The following DNER variants were observed in gnomAD, a reference collection of about 807,000 sequenced individuals.
DNER encodes delta/notch like EGF repeat containing.
A neutral mutation model predicts 78.2 loss-of-function variants in DNER; 33 were observed. The observed-to-expected ratio is 0.42, with a 90% CI of 0.32 to 0.56. The LOEUF (loss-of-function observed/expected upper bound fraction) is 0.56, where lower values mean the gene tolerates loss of function less well. Among genes scored for constraint, DNER ranks in the 20% least tolerant of loss-of-function variants. The pLI, the probability that DNER is intolerant of heterozygous loss-of-function variation, is 0.11. For synonymous variants in DNER, 417 were observed against 384.8 expected (o/e 1.08, Z -0.98); for missense variants, 918 against 975.3 (o/e 0.94, Z 0.78).
chr2:229,538,001 C>A (rs1410339448), intron 5 of DNER, among the ~76,000 whole-genome samples: 23 of 152,138 alleles, frequency 1.5e-4, no homozygotes, highest in Non-Finnish European at 4.4e-5. Flanking sequence ...TACATTAGTA[C>A]CAAGAATTAT....
At chr2:229,596,682 G>A (rs1322947809) in intron 1 of DNER, among the ~76,000 whole-genome samples, 1 of 152,228 alleles carries the variant, frequency 6.6e-6, no homozygotes, top group East Asian at 1.9e-4. Context: ...GGGATAAAGA[G>A]CCAGAAAGAA....
intron 7 of DNER, among the ~76,000 whole-genome samples, chr2:229,471,984 C>T (rs1427614049): frequency 6.6e-6 from 1 of 152,186 alleles, no homozygotes; most frequent in African/African-American, 2.4e-5. Context: ...AAATCTCCAT[C>T]CTTGGCTATG....
intron 6 of DNER, 61 bp from the exon 7 acceptor site, chr2:229,477,314 T>C: frequency 7.8e-7 from 1 of 1,286,418 alleles, no homozygotes; most frequent in Non-Finnish European, 1.1e-6. Context: ...CATGAGCCAC[T>C]CTAGGAATTG....
intron 7 of DNER, among the ~76,000 whole-genome samples, chr2:229,448,015 A>G (rs1694375214): frequency 6.6e-6 from 1 of 152,220 alleles, no homozygotes; most frequent in Admixed American, 6.5e-5. Context: ...AACCATATCA[A>G]ATAGTAAACA....
At chr2:229,684,146 G>GT (rs1491220761) in intron 1 of DNER, among the ~76,000 whole-genome samples, 2 of 85,282 alleles carry the variant, frequency 2.3e-5, no homozygotes, top group African/African-American at 1.0e-4. Flanking sequence ...CTGTGTATGT[G>GT]AGAGAGAGAG....
rs556020145 is a variant in DNER, at chr2:229,671,145, C to T, written c.276+43003G>A. ...CAAGATAGGACAACTTCAGCGGTTC[C>T]TGTATCTGGCACCAACCTGCTTGCT... On this transcript the variant is annotated intron_variant, in intron 1 of 12. Coordinates refer to ENST00000341772, the MANE Select transcript of DNER (RefSeq NM_139072.4). 5.3e-5 allele frequency among the ~76,000 whole-genome samples: 8 copies of T among 152,272 alleles called. 1 individual carries two copies. In the South Asian group the frequency reaches 1.7e-3, roughly 32 times the overall value.
intron 4 of DNER, among the ~76,000 whole-genome samples, chr2:229,549,634 G>T (rs369287802): frequency 6.6e-6 from 1 of 152,112 alleles, no homozygotes; most frequent in Non-Finnish European, 1.5e-5. Flanking sequence ...AACATAGGCC[G>T]GGCATGGTGG....
At chr2:229,528,457 C>T (rs1276525705) in intron 5 of DNER, among the ~76,000 whole-genome samples, 2 of 152,198 alleles carry the variant, frequency 1.3e-5, no homozygotes, top group Non-Finnish European at 2.9e-5. Flanking sequence ...CTTCTACCCA[C>T]CACAGCCCTG....
At chr2:229,360,293 C>G (rs1692182275) in intron 12 of DNER, among the ~76,000 whole-genome samples, 1 of 152,220 alleles carries the variant, frequency 6.6e-6, no homozygotes, top group Non-Finnish European at 1.5e-5. Flanking sequence ...CCATATCTAA[C>G]ATAGTAGGAT....
At chr2:229,443,078 C>T (rs1432313705) in intron 8 of DNER, among the ~76,000 whole-genome samples, 1 of 151,994 alleles carries the variant, frequency 6.6e-6, no homozygotes, top group Non-Finnish European at 1.5e-5. Flanking sequence ...AAATGATGAG[C>T]ATCTTAGATC....
intron 8 of DNER, among the ~76,000 whole-genome samples, chr2:229,430,610 G>A (rs1262234789): frequency 6.6e-6 from 1 of 151,748 alleles, no homozygotes; most frequent in Non-Finnish European, 1.5e-5. Context: ...TTTGGAACTC[G>A]GACTGGCTCT....
rs115098965 is a variant in DNER at position 229,503,898 on chromosome 2, T to A, written c.1147+8885A>T. Reference sequence around the variant, plus strand: ...CTGGTACTACAGATGCACACCAACATGCCCAGCTAATTTTTGAGGTTTTTT... The same window carrying A: ...CTGGTACTACAGATGCACACCAACAAGCCCAGCTAATTTTTGAGGTTTTTT... On this transcript the variant is annotated intron_variant, in intron 6 of 12. Transcript: ENST00000341772. Among the ~76,000 whole-genome samples the A allele has an allele frequency of 6.5e-3, 993 of 152,198 alleles. 16 individuals are homozygous for A. The highest frequency in any genetic ancestry group is 0.023 in the African/African-American group (961 of 41,534).
intron 1 of DNER, among the ~76,000 whole-genome samples, chr2:229,679,489 C>T (rs1699351801): frequency 6.6e-6 from 1 of 152,122 alleles, no homozygotes; most frequent in South Asian, 2.1e-4. Flanking sequence ...CTGTCCTATT[C>T]CTTTTTTTTA....
chr2:229,504,023 C>A (rs1051913267), intron 6 of DNER, among the ~76,000 whole-genome samples: 2 of 151,928 alleles, frequency 1.3e-5, no homozygotes, highest in African/African-American at 2.4e-5. Context: ...GGATTACAGG[C>A]GTGAACTACC....
At chr2:229,383,722 T>C (rs1193659206) in intron 11 of DNER, among the ~76,000 whole-genome samples, 1 of 152,194 alleles carries the variant, frequency 6.6e-6, no homozygotes, top group Non-Finnish European at 1.5e-5. Flanking sequence ...GTCTTAAATA[T>C]ATATGCACCC....
intron 1 of DNER, among the ~76,000 whole-genome samples, chr2:229,594,154 T>C (rs987586139): frequency 2.0e-5 from 3 of 152,148 alleles, no homozygotes; most frequent in Admixed American, 1.3e-4. Flanking sequence ...TACACACCCT[T>C]CCCACGGTAA....
intron 1 of DNER, among the ~76,000 whole-genome samples, chr2:229,603,428 T>C (rs1357154135): frequency 6.6e-6 from 1 of 152,116 alleles, no homozygotes; most frequent in Non-Finnish European, 1.5e-5. Context: ...CAAAAAAGAA[T>C]ATTAATGAGC....
chr2:229,702,683 C>T (rs369198402), intron 1 of DNER, among the ~76,000 whole-genome samples: 14 of 151,708 alleles, frequency 9.2e-5, no homozygotes, highest in Admixed American at 2.6e-4. Context: ...TTTGGGAGGC[C>T]GAGGCAGGCG....
intron 1 of DNER, among the ~76,000 whole-genome samples, chr2:229,597,829 C>T (rs751160722): frequency 1.3e-5 from 2 of 152,166 alleles, no homozygotes; most frequent in Non-Finnish European, 2.9e-5. Context: ...CTATTTTCCA[C>T]ATTTTATTTT....
Sources: allele counts gnomAD v4.1 joint callset (sites outside exome capture counted in the v4.1 genomes callset), GRCh38; gene constraint gnomAD v4.1.1; transcripts MANE v1.5; gene names NCBI Gene and HGNC (gene_info 2026-07-23, HGNC 2026-07-21).